Variants in ROPN1L observed in about 807,000 individuals in gnomAD.
ROPN1L encodes the protein ropporin-1-like protein.
In ROPN1L, 23 loss-of-function variants were observed where a neutral mutation model predicts 22.7. The observed-to-expected ratio is 1.01, with a 90% CI of 0.73 to 1.43. The LOEUF is 1.43. Among genes scored for constraint, ROPN1L ranks in the 40% most tolerant of loss-of-function variants. ROPN1L has a pLI of 0.00. For missense variants in ROPN1L, 271 were observed against 291.5 expected (o/e 0.93, Z 0.51); for synonymous variants, 116 against 117.8 (o/e 0.98, Z 0.10).
intron 3 of ROPN1L, among the ~76,000 whole-genome samples, chr5:10,459,683 C>T (rs751039375): frequency 9.2e-5 from 14 of 152,200 alleles, no homozygotes; most frequent in South Asian, 4.1e-4. Context: ...CCCCCTGGGT[C>T]TGTGCTTACA....
At chr5:10,475,729 T>C (rs1304930967), downstream of ROPN1L, among the ~76,000 whole-genome samples, 1 of 152,232 alleles carries the variant, frequency 6.6e-6, no homozygotes, top group Non-Finnish European at 1.5e-5. Flanking sequence ...TGGGGAGGAT[T>C]GTCCCATCGC....
intron 4 of ROPN1L, among the ~76,000 whole-genome samples, chr5:10,463,231 A>G (rs1054189338): frequency 3.3e-5 from 5 of 152,228 alleles, no homozygotes; most frequent in African/African-American, 7.2e-5. Flanking sequence ...ACATTTTTAA[A>G]CAAGATTAAT....
At chr5:10,445,076 C>G (rs915906084) in intron 1 of ROPN1L, among the ~76,000 whole-genome samples, 1 of 151,816 alleles carries the variant, frequency 6.6e-6, no homozygotes, top group Non-Finnish European at 1.5e-5. Context: ...CTGGTTCAAG[C>G]AATTCTGCCT....
chr5:10,446,820 C>T (rs926209818), intron 1 of ROPN1L, among the ~76,000 whole-genome samples: 7 of 152,058 alleles, frequency 4.6e-5, no homozygotes, highest in Non-Finnish European at 8.8e-5. Context: ...GAGGAGTTAC[C>T]CCCATGAAAT....
the ROPN1L span, among the ~76,000 whole-genome samples, chr5:10,478,369 T>C: frequency 2.6e-5 from 4 of 152,218 alleles, no homozygotes; most frequent in South Asian, 8.3e-4. Flanking sequence ...ACTCAGGGGC[T>C]TCCGCAACAG....
At chr5:10,468,835 C>T (rs753146969), downstream of ROPN1L, among the ~76,000 whole-genome samples, 1 of 152,296 alleles carries the variant, frequency 6.6e-6, no homozygotes. Context: ...GAGTCAAAGA[C>T]AATTTTTCCA....
intron 4 of ROPN1L, among the ~76,000 whole-genome samples, chr5:10,461,914 A>G (rs1735038402): frequency 6.6e-6 from 1 of 152,174 alleles, no homozygotes; most frequent in Admixed American, 6.5e-5. Flanking sequence ...CATGGAGTTG[A>G]GGTACATCCC....
intron 3 of ROPN1L, among the ~76,000 whole-genome samples, chr5:10,453,664 G>A (rs1023072670): frequency 2.0e-5 from 3 of 152,160 alleles, no homozygotes; most frequent in Non-Finnish European, 4.4e-5. Flanking sequence ...CATCTATGGC[G>A]GGGGCGTGGC....
chr5:10,448,188 A>G lies in ROPN1L; in HGVS notation c.132-72A>G, dbSNP rs1216236322. 4.5e-6 allele frequency: 7 copies of G among 1,572,732 alleles called. No homozygotes were observed. In the Admixed American group the frequency reaches 1.0e-4, roughly 23 times the overall value. On this transcript the variant is annotated intron_variant, in intron 1 of 4. Transcript: ENST00000274134. ...CTAATCACCGTTGTTTTGGGGGGTT[A>G]TTTAAGAAATTGGATCGCATAGCTG...
Position 10,461,234 on chromosome 5 carries a change from G to A in ROPN1L, c.468G>A (p.Pro156=), listed in dbSNP as rs576722035. The part of the protein sequence containing the change: ...KHLCEILTDD[P]EGGPARIPFK... ...TGTGCGAGATCCTCACGGACGATCC[G>A]GAGGGCGGGCCCGCTCGCATCCCCT... The change falls in exon 4 of 5, where the codon CCG becomes CCA. Residue 156 remains proline (P), a synonymous_variant. Coordinates refer to ENST00000274134, the MANE Select transcript of ROPN1L (RefSeq NM_031916.5). 6.2e-6 allele frequency: 10 copies of A among 1,614,114 alleles called. No individual in the cohort carries two copies. Among genetic ancestry groups the A allele is most frequent in the South Asian group, 4.4e-5 (4 of 91,072 alleles).
At chr5:10,449,172 A>G (rs1360183048) in intron 2 of ROPN1L, among the ~76,000 whole-genome samples, 1 of 152,278 alleles carries the variant, frequency 6.6e-6, no homozygotes, top group African/African-American at 2.4e-5. Context: ...CTTTTCATCC[A>G]GGATACTGCT....
chr5:10,462,256 A>T (rs566755789), intron 4 of ROPN1L, among the ~76,000 whole-genome samples: 1 of 152,352 alleles, frequency 6.6e-6, no homozygotes, highest in South Asian at 2.1e-4. Context: ...GTATGCCAGG[A>T]GCGGGGGTTG....
chr5:10,466,383 G>A (rs1014844923), downstream of ROPN1L, among the ~76,000 whole-genome samples: 2 of 152,162 alleles, frequency 1.3e-5, no homozygotes, highest in African/African-American at 4.8e-5. Context: ...TAACCCTGGA[G>A]GCTGCCCACG....
At chr5:10,454,974 A>G (rs1309004325) in intron 3 of ROPN1L, among the ~76,000 whole-genome samples, 7 of 152,204 alleles carry the variant, frequency 4.6e-5, no homozygotes, top group Admixed American at 4.6e-4. Context: ...GGACCACCTT[A>G]TTCAAGTTTA....
downstream of ROPN1L, among the ~76,000 whole-genome samples, chr5:10,476,534 G>A (rs1001157946): frequency 9.2e-5 from 14 of 152,226 alleles, no homozygotes; most frequent in African/African-American, 3.1e-4. Context: ...GATTTGAGAA[G>A]TCTGAGCTAA....
chr5:10,470,797 G>A (rs773829901), intron 4 of ROPN1L, among the ~76,000 whole-genome samples: 4 of 152,244 alleles, frequency 2.6e-5, no homozygotes, highest in South Asian at 2.1e-4. Flanking sequence ...GTGGGGCCTC[G>A]GGGCCGGAAG....
At chr5:10,452,076 G>T (rs1404490450) in intron 3 of ROPN1L, among the ~76,000 whole-genome samples, 1 of 151,952 alleles carries the variant, frequency 6.6e-6, no homozygotes, top group African/African-American at 2.4e-5. Context: ...AACCTCCCAG[G>T]TTCAAGTGAT....
intron 1 of ROPN1L, among the ~76,000 whole-genome samples, chr5:10,444,997 TAG>T (rs1741009670): frequency 6.6e-6 from 1 of 152,290 alleles, no homozygotes; most frequent in Admixed American, 6.5e-5. Flanking sequence ...ATTTTTTAGA[TAG>T]AGTCTTTTTC....
chr5:10,463,486 T>G (rs1162454864), intron 4 of ROPN1L, among the ~76,000 whole-genome samples: 1 of 150,350 alleles, frequency 6.7e-6, no homozygotes, highest in African/African-American at 2.5e-5. Context: ...AGAAAGGGCC[T>G]TCTAGGTGCA....
Sources: gnomAD v4.1 joint callset for allele counts (sites outside exome capture counted in the v4.1 genomes callset) on GRCh38, gnomAD v4.1.1 for gene constraint, MANE v1.5 for transcripts, NCBI Gene and HGNC (gene_info 2026-07-23, HGNC 2026-07-21) for gene names.